REELD1: variants seen among roughly 807,000 people sequenced by gnomAD.
REELD1 encodes reeler domain containing 1, also known as reelin domain-containing protein 1.
In REELD1, 12 loss-of-function variants were observed where a neutral mutation model predicts 6.3. The ratio of observed to expected loss-of-function variants is 1.89; its 90% confidence interval spans 1.21 to 3.07. REELD1 has a LOEUF of 3.07. Ranked by LOEUF, REELD1 falls within the 30% of genes most tolerant of loss-of-function variation. REELD1 has a pLI of 0.00. For synonymous variants in REELD1, 57 were observed against 33.6 expected (o/e 1.70, Z -2.42); for missense variants, 163 against 86.8 (o/e 1.88, Z -3.49).
At chr4:146,228,847 T>G (rs1185341298) in intron 6 of REELD1, among the ~76,000 whole-genome samples, 178 bp from the exon 7 acceptor site, 3 of 152,184 alleles carry the variant, frequency 2.0e-5, no homozygotes, top group Non-Finnish European at 4.4e-5. Flanking sequence ...TTTGGTGAGT[T>G]CTTTGCCACC....
At chr4:146,217,436 G>A (rs1730846841) in intron 3 of REELD1, among the ~76,000 whole-genome samples, 1 of 152,018 alleles carries the variant, frequency 6.6e-6, no homozygotes, top group Non-Finnish European at 1.5e-5. Context: ...TAGAGACAGG[G>A]TCTTTGTATG....
intron 2 of REELD1, among the ~76,000 whole-genome samples, chr4:146,216,571 G>A (rs556665578): frequency 1.4e-3 from 214 of 152,328 alleles, no homozygotes; most frequent in African/African-American, 4.7e-3. Context: ...ATGTATCAGA[G>A]GCCACACCGC....
chr4:146,222,368 A>G lies in REELD1; in HGVS notation c.220A>G (p.Ser74Gly). Residue 74 changes from serine to glycine, a missense_variant, in exon 4 of 8, where the codon AGC becomes GGC. By Grantham distance (56) the Ser-to-Gly change is moderately conservative. Transcript: ENST00000623665. ...PGDKIPVTVR[S>G]SRDFMGFLLQ... ...TGTTTTTGTTGCAGTGACAGTGAGAAGCAGTCGTGATTTCATGGGATTTCT... is the reference window on the plus strand; with the variant it reads ...TGTTTTTGTTGCAGTGACAGTGAGAGGCAGTCGTGATTTCATGGGATTTCT... The G allele has an allele frequency of 2.5e-6, 1 of 398,650 alleles. No individual in the cohort carries two copies. The highest frequency in any genetic ancestry group is 4.4e-6 in the Non-Finnish European group (1 of 226,066). 24.7% of individuals were successfully genotyped at this position (398,650 alleles called of 1,614,324 possible). A position where few individuals can be genotyped will look rare whatever the true frequency, so the allele number is the denominator to read the frequency against.
rs1174446061 is a variant in REELD1 at position 146,232,012 on chromosome 4, CCACAGA to C, written c.*1500_*1505del. ...ACAAAAGTACTGTAGTCTAATAAGGCCACAGATATCCCTTCTGTATGTCTAGCCCTC... is the reference window on the plus strand; with the variant it reads ...ACAAAAGTACTGTAGTCTAATAAGGCTATCCCTTCTGTATGTCTAGCCCTC... On this transcript the variant is annotated 3_prime_UTR_variant, in exon 8 of 8. Coordinates refer to ENST00000623665, the MANE Select transcript of REELD1 (RefSeq NM_001354631.1). 2.6e-5 allele frequency: 4 copies of C among 152,180 alleles called. No homozygotes were observed. Among genetic ancestry groups the C allele is most frequent in the Non-Finnish European group, 5.9e-5 (4 of 68,042 alleles). The allele number at this position is 152,180 out of a possible 1,614,324, so 9.4% of individuals were successfully genotyped here.
intron 5 of REELD1, among the ~76,000 whole-genome samples, chr4:146,227,766 A>G (rs1359775881): frequency 6.6e-6 from 1 of 152,224 alleles, no homozygotes; most frequent in Non-Finnish European, 1.5e-5. Flanking sequence ...GTCTCTTCTC[A>G]TAGCAGATGT....
chr4:146,225,220 G>A lies in REELD1; in HGVS notation c.595+612G>A, dbSNP rs184759066. Among the ~76,000 whole-genome samples the A allele has an allele frequency of 1.6e-4, 25 of 152,246 alleles. No individual in the cohort carries two copies. The East Asian group carries it at 4.2e-3, about 26-fold the overall frequency. ...GCAACAAAACAAAGGAAAACCACTA[G>A]CCAGCTAGAGGCTGTTTGACCTATC... is the stretch of plus-strand genomic sequence containing the variant. On this transcript the variant is annotated intron_variant, in intron 5 of 7. Coordinates refer to ENST00000623665, the MANE Select transcript of REELD1 (RefSeq NM_001354631.1).
intron 3 of REELD1, among the ~76,000 whole-genome samples, chr4:146,218,460 C>T (rs1168206184): frequency 1.3e-5 from 2 of 152,202 alleles, no homozygotes; most frequent in Admixed American, 1.3e-4. Context: ...CCCTAAACCC[C>T]TCTTGATTTT....
intron 3 of REELD1, among the ~76,000 whole-genome samples, chr4:146,219,758 C>A (rs1275137908): frequency 1.3e-5 from 2 of 152,124 alleles, no homozygotes; most frequent in Non-Finnish European, 2.9e-5. Flanking sequence ...CCAGAGGTAA[C>A]CTTTGTTAAG....
Position 146,228,992 on chromosome 4 carries a change from A to G in REELD1, c.909-33A>G, listed in dbSNP as rs759492776. 1.1e-5 allele frequency: 8 copies of G among 701,926 alleles called. No individual in the cohort carries two copies. The South Asian group carries it at 1.2e-4, about 10-fold the overall frequency. The allele number at this position is 701,926 out of a possible 1,614,324, so 43.5% of individuals were successfully genotyped here. ...TTGCTTTTTGGTCCAAAACTTAATG[A>G]CCTGTTTTCAGCCCTTCCATTCTTC... On this transcript the variant is annotated intron_variant, in intron 6 of 7. Transcript: ENST00000623665.
chr4:146,217,060 G>A lies in REELD1; in HGVS notation c.108G>A (p.Met36Ile). 2.5e-6 allele frequency: 1 copy of A among 399,060 alleles called. No individual in the cohort carries two copies. The allele number at this position is 399,060 out of a possible 1,614,324, so 24.7% of individuals were successfully genotyped here. A position where few individuals can be genotyped will look rare whatever the true frequency, so the allele number is the denominator to read the frequency against. ...CCAGCACGGTGGCCTGTGATGACAT[G>A]CAGCCCAAGCACATCCAAGCCCAGC... is the stretch of plus-strand genomic sequence containing the variant. ...HGASTVACDDMQPKHIQAQPQ... is the reference protein window; with the variant it reads ...HGASTVACDDIQPKHIQAQPQ... The change falls in exon 3 of 8, where the codon ATG (methionine) becomes ATA (isoleucine). Residue 36 changes from methionine (M) to isoleucine (I), a missense_variant. By Grantham distance (10) the Met-to-Ile change is conservative (BLOSUM62 1). Transcript: ENST00000623665.
chr4:146,224,188 GTATT>G (rs958506091), intron 4 of REELD1, among the ~76,000 whole-genome samples: 3 of 146,180 alleles, frequency 2.1e-5, no homozygotes, highest in Non-Finnish European at 4.4e-5. Context: ...TTTAGTGACT[GTATT>G]TATTCAAGAG....
At chr4:146,220,894 T>C (rs1324881505) in intron 3 of REELD1, among the ~76,000 whole-genome samples, 1 of 152,222 alleles carries the variant, frequency 6.6e-6, no homozygotes, top group Non-Finnish European at 1.5e-5. Flanking sequence ...AGCAGAACCA[T>C]CTGTTCTGCT....
chr4:146,221,394 GAAGATGTTGTCAGGTTACACCACA>G (rs1730920035), intron 3 of REELD1, among the ~76,000 whole-genome samples: 1 of 152,210 alleles, frequency 6.6e-6, no homozygotes, highest in Non-Finnish European at 1.5e-5. Flanking sequence ...TTTAAATGTG[GAAGATGTTGTCAGGTTACACCACA>G]AAAAGTTGGA....
rs557914041 is a variant in REELD1 at position 146,225,441 on chromosome 4, C to T, written c.595+833C>T. The stretch of plus-strand genomic sequence containing the variant: ...GCCAGAATCCAATCAGAATCCCTGC[C>T]TCTTCTCAGTCTAGCAGACCCAGGT... On this transcript the variant is annotated intron_variant, in intron 5 of 7. Coordinates refer to ENST00000623665, the MANE Select transcript of REELD1 (RefSeq NM_001354631.1). 4.6e-5 allele frequency among the ~76,000 whole-genome samples: 7 copies of T among 152,248 alleles called. No homozygotes were observed. The South Asian group carries it at 1.5e-3, about 32-fold the overall frequency.
At chr4:146,223,152 A>C (rs1730954921) in intron 4 of REELD1, among the ~76,000 whole-genome samples, 1 of 152,198 alleles carries the variant, frequency 6.6e-6, no homozygotes, top group African/African-American at 2.4e-5. Flanking sequence ...TTCTTTTCAG[A>C]CACTTGCATT....
rs550371471 is a variant in REELD1 at position 146,227,509 on chromosome 4, T to C, written c.596-701T>C. 1.6e-4 allele frequency among the ~76,000 whole-genome samples: 25 copies of C among 152,312 alleles called. No homozygotes were observed. In the South Asian group the frequency reaches 5.2e-3, roughly 32 times the overall value. On this transcript the variant is annotated intron_variant, in intron 5 of 7. Coordinates refer to ENST00000623665, the MANE Select transcript of REELD1 (RefSeq NM_001354631.1). The stretch of plus-strand genomic sequence containing the variant: ...TGCTTCACGCTTCCACCTCAATGAG[T>C]TCATGTCAACCCCTCAGCAATCCTA...
intron 3 of REELD1, among the ~76,000 whole-genome samples, chr4:146,221,828 C>T (rs932303227): frequency 6.6e-6 from 1 of 151,888 alleles, no homozygotes; most frequent in Admixed American, 6.6e-5. Flanking sequence ...CACTGCACTG[C>T]AGCCTGGTGA....
intron 5 of REELD1, among the ~76,000 whole-genome samples, chr4:146,225,850 C>CCT (rs2110923290): frequency 6.6e-6 from 1 of 152,274 alleles, no homozygotes; most frequent in Non-Finnish European, 1.5e-5. Flanking sequence ...TACAGGGTAA[C>CCT]CTCCTCATTA....
At chr4:146,223,513 G>T (rs114214631) in intron 4 of REELD1, among the ~76,000 whole-genome samples, 12 of 152,334 alleles carry the variant, frequency 7.9e-5, no homozygotes, top group Non-Finnish European at 1.5e-4. Context: ...AGCGCAGAGG[G>T]TGTCTGCTTC....
Sources: allele counts gnomAD v4.1 joint callset (sites outside exome capture counted in the v4.1 genomes callset), GRCh38; gene constraint gnomAD v4.1.1; transcripts MANE v1.5; gene names NCBI Gene and HGNC (gene_info 2026-07-23, HGNC 2026-07-21).